Variants in ASXL3 observed in about 807,000 individuals in gnomAD.
ASXL3 encodes the protein ASXL transcriptional regulator 3.
ASXL3 carries 34 observed loss-of-function variants against 170.6 expected under a neutral mutation model. The ratio of observed to expected loss-of-function variants is 0.20; its 90% CI spans 0.15 to 0.27. The LOEUF (loss-of-function observed/expected upper bound fraction) is 0.27. Among genes scored for constraint, ASXL3 ranks in the 10% least tolerant of loss-of-function variants. The pLI, the probability that ASXL3 is intolerant of heterozygous loss-of-function variation, is 1.00. For synonymous variants in ASXL3, 1,002 were observed against 989.1 expected (o/e 1.01, Z -0.24); for missense variants, 2,592 against 2,695.3 (o/e 0.96, Z 0.85).
At chr18:33,737,365 G>A (rs2067566103) in intron 10 of ASXL3, among the ~76,000 whole-genome samples, 1 of 152,054 alleles carries the variant, frequency 6.6e-6, no homozygotes, top group East Asian at 1.9e-4. Flanking sequence ...TCACTTAAAT[G>A]TTCTTTTTCC....
At chr18:33,629,829 G>A (rs1599417134) in intron 2 of ASXL3, among the ~76,000 whole-genome samples, 1 of 151,942 alleles carries the variant, frequency 6.6e-6, no homozygotes, top group Non-Finnish European at 1.5e-5. Context: ...CTGATTAGTA[G>A]CATTGCTTGT....
At chr18:33,608,686 A>C (rs1460229091) in intron 2 of ASXL3, among the ~76,000 whole-genome samples, 2 of 152,166 alleles carry the variant, frequency 1.3e-5, no homozygotes, top group East Asian at 3.9e-4. Flanking sequence ...TCTGTAAGCC[A>C]TTGAGCATAC....
chr18:33,693,748 C>G (rs1025289200), intron 8 of ASXL3, among the ~76,000 whole-genome samples: 1 of 152,108 alleles, frequency 6.6e-6, no homozygotes, highest in African/African-American at 2.4e-5. Context: ...ATGCATTTAT[C>G]TTGGTAACAC....
chr18:33,716,143 C>T (rs2067161001), intron 8 of ASXL3, among the ~76,000 whole-genome samples: 2 of 152,150 alleles, frequency 1.3e-5, no homozygotes, highest in Admixed American at 6.6e-5. Context: ...TGTGTCAATT[C>T]AGGGATAGAG....
At chr18:33,627,707 A>G (rs1311405351) in intron 2 of ASXL3, among the ~76,000 whole-genome samples, 1 of 152,108 alleles carries the variant, frequency 6.6e-6, no homozygotes, top group Non-Finnish European at 1.5e-5. Flanking sequence ...TAAGAATCAA[A>G]TTGGGTTGTA....
chr18:33,734,323 A>G lies in ASXL3; in HGVS notation c.990A>G (p.Pro330=), dbSNP rs375974767. 5.6e-5 allele frequency: 90 copies of G among 1,602,606 alleles called. No homozygotes were observed. The African/African-American group carries it at 1.2e-3, about 21-fold the overall frequency. The change falls in exon 10 of 12, where the codon CCA becomes CCG. Residue 330 remains proline, a synonymous_variant. Coordinates refer to ENST00000269197, the MANE Select transcript of ASXL3 (RefSeq NM_030632.3). ...TTTTCTTTTTAGGAGAGTTTACCCC[A>G]GAAATGCAGTTGCGGATAAGGCAAG... is the stretch of plus-strand genomic sequence containing the variant. ...KQRLAEGEFT[P]EMQLRIRQEI... is the part of the protein sequence containing the mutation.
intron 8 of ASXL3, among the ~76,000 whole-genome samples, chr18:33,723,943 T>A (rs1352421472): frequency 6.6e-6 from 1 of 152,186 alleles, no homozygotes; most frequent in Admixed American, 6.5e-5. Flanking sequence ...AAGCTCAGAT[T>A]ACTGTTATCA....
In ASXL3 at chr18:33,745,954, C is replaced by T. The variant is rs754846764; in HGVS notation, c.6106C>T (p.Pro2036Ser). 1.1e-5 allele frequency: 16 copies of T among 1,513,044 alleles called. No homozygotes were observed. The East Asian group carries it at 3.7e-4, about 35-fold the overall frequency. 93.7% of individuals were successfully genotyped at this position (1,513,044 alleles called of 1,614,324 possible). A position where few individuals can be genotyped will look rare whatever the true frequency, so the allele number is the denominator to read the frequency against. Residue 2036 changes from proline to serine, a missense_variant, in exon 12 of 12, where the codon CCC becomes TCC. Physicochemically the swap from Pro to Ser is moderately conservative, Grantham distance 74. Around this residue, in one of 4 missense-constraint regions of ASXL3, gnomAD observed 2,246 missense variants for 2,219.6 expected, o/e 1.01. Coordinates refer to ENST00000269197, the MANE Select transcript of ASXL3 (RefSeq NM_030632.3). Reference sequence around the variant, plus strand: ...ACCCTTGGCTTTGCCCCCGCCTCCCCCCCCACCACCTCCGCTACCTCCACC... The same window carrying T: ...ACCCTTGGCTTTGCCCCCGCCTCCCTCCCCACCACCTCCGCTACCTCCACC... Reference protein sequence around the residue: ...PPPLALPPPPPPPPPLPPPLP... With the variant: ...PPPLALPPPPSPPPPLPPPLP...
intron 8 of ASXL3, among the ~76,000 whole-genome samples, chr18:33,711,226 G>A (rs1568342135): frequency 6.6e-6 from 1 of 152,062 alleles, no homozygotes; most frequent in Non-Finnish European, 1.5e-5. Flanking sequence ...TCCTTTTGGG[G>A]AAACAGACAA....
At chr18:33,708,974 CA>C (rs1447713777) in intron 8 of ASXL3, among the ~76,000 whole-genome samples, 12 of 152,114 alleles carry the variant, frequency 7.9e-5, no homozygotes, top group Admixed American at 7.9e-4. Flanking sequence ...ATTGGGAAAA[CA>C]TACATGAGGT....
chr18:33,690,682 G>A (rs1374956281), intron 8 of ASXL3, among the ~76,000 whole-genome samples: 22 of 152,000 alleles, frequency 1.4e-4, no homozygotes, highest in Admixed American at 1.1e-3. Context: ...TTACTTCTCC[G>A]ACAGTGAGAA....
intron 1 of ASXL3, among the ~76,000 whole-genome samples, chr18:33,587,994 G>T (rs2065047774): frequency 6.6e-6 from 1 of 151,826 alleles, no homozygotes; most frequent in Admixed American, 6.6e-5. Flanking sequence ...TATTTTTGAA[G>T]TTGTACAGTT....
At chr18:33,589,374 C>T (rs781511960) in intron 1 of ASXL3, among the ~76,000 whole-genome samples, 1 of 152,134 alleles carries the variant, frequency 6.6e-6, no homozygotes, top group Non-Finnish European at 1.5e-5. Flanking sequence ...GTTTCACTGA[C>T]TCTAGACTTG....
intron 1 of ASXL3, among the ~76,000 whole-genome samples, chr18:33,587,170 C>T (rs543130382): frequency 4.6e-5 from 7 of 152,282 alleles, no homozygotes; most frequent in Non-Finnish European, 1.0e-4. Flanking sequence ...CCGTAAGAAG[C>T]CCTTTTCAAA....
intron 1 of ASXL3, among the ~76,000 whole-genome samples, chr18:33,582,794 C>G (rs2065004976): frequency 6.6e-6 from 1 of 151,158 alleles, no homozygotes; most frequent in South Asian, 2.1e-4. Flanking sequence ...ATGACAAATT[C>G]ACCTCATTGT....
At chr18:33,658,665 GT>G (rs1278839365) in intron 4 of ASXL3, among the ~76,000 whole-genome samples, 1 of 151,906 alleles carries the variant, frequency 6.6e-6, no homozygotes, top group African/African-American at 2.4e-5. Flanking sequence ...AAGTTCTATA[GT>G]TATTGTGTCA....
At chr18:33,638,112 G>A (rs76958421) in intron 2 of ASXL3, among the ~76,000 whole-genome samples, 13,900 of 150,574 alleles carry the variant, frequency 0.092, 753 homozygotes, top group African/African-American at 0.14. Context: ...CCACATATAT[G>A]TATATATGTG....
chr18:33,582,611 A>G (rs749517857), intron 1 of ASXL3, among the ~76,000 whole-genome samples: 22 of 152,132 alleles, frequency 1.4e-4, no homozygotes, highest in Admixed American at 9.2e-4. Flanking sequence ...AACTATTTCA[A>G]TAGCTTTGTG....
intron 1 of ASXL3, among the ~76,000 whole-genome samples, chr18:33,581,213 G>T (rs2064989073): frequency 6.6e-6 from 1 of 152,000 alleles, no homozygotes; most frequent in South Asian, 2.1e-4. Flanking sequence ...GCATTTCTGT[G>T]ATATAGATAC....
Sources: gnomAD v4.1 joint callset for allele counts (sites outside exome capture counted in the v4.1 genomes callset) on GRCh38, gnomAD v4.1.1 for gene constraint, gnomAD v4.1.1 regional missense constraint, MANE v1.5 for transcripts, NCBI Gene and HGNC (gene_info 2026-07-23, HGNC 2026-07-21) for gene names.